AKT3: variants seen among roughly 807,000 people sequenced by gnomAD.
AKT3 encodes the protein RAC-gamma serine/threonine-protein kinase.
In AKT3, 15 loss-of-function variants were observed where a neutral mutation model predicts 65.3. That is an observed-to-expected ratio of 0.23 (90% CI 0.15 to 0.35). The LOEUF (loss-of-function observed/expected upper bound fraction) is 0.35. AKT3 is among the 10% of genes least tolerant of loss of function. AKT3 has a pLI of 1.00. For synonymous variants in AKT3, 206 were observed against 183.8 expected, an observed-to-expected ratio of 1.12 and a Z score of -0.98; for missense variants, 243 against 576.5, an observed-to-expected ratio of 0.42 and a Z score of 5.92.
chr1:243,754,513 C>A lies in AKT3; in HGVS notation c.47-58797G>T, dbSNP rs1251918682. On this transcript the variant is annotated intron_variant, in intron 2 of 13. Coordinates refer to ENST00000673466, the MANE Select transcript of AKT3 (RefSeq NM_005465.7). ...GCTGTTACCAAGTGCAGGGTCCCCA[C>A]CCCTGGGCCGCGGATGGTGGCTGTT... Among the ~76,000 whole-genome samples the A allele has an allele frequency of 3.3e-5, 5 of 152,218 alleles. No individual in the cohort carries two copies. In the East Asian group the frequency reaches 9.7e-4, roughly 29 times the overall value.
intron 2 of AKT3, among the ~76,000 whole-genome samples, chr1:243,838,302 G>C (rs1695024225): frequency 6.6e-6 from 1 of 152,012 alleles, no homozygotes. Flanking sequence ...TACTCTCCAT[G>C]TATAACCTCA....
chr1:243,706,196 C>A (rs913391218), intron 2 of AKT3, among the ~76,000 whole-genome samples: 1 of 152,144 alleles, frequency 6.6e-6, no homozygotes, highest in Non-Finnish European at 1.5e-5. Context: ...ACTAAATAAA[C>A]CTACCACCAT....
intron 2 of AKT3, among the ~76,000 whole-genome samples, chr1:243,749,069 T>C (rs1469187322): frequency 1.3e-5 from 2 of 152,162 alleles, no homozygotes; most frequent in African/African-American, 4.8e-5. Flanking sequence ...CTTCTAGTCC[T>C]TCATTCTCTC....
chr1:243,560,634 C>G (rs952007497), intron 10 of AKT3, among the ~76,000 whole-genome samples: 2 of 152,008 alleles, frequency 1.3e-5, no homozygotes, highest in Non-Finnish European at 2.9e-5. Context: ...AAAGACCAGA[C>G]TTTTGAAGTA....
intron 2 of AKT3, among the ~76,000 whole-genome samples, chr1:243,721,395 C>T (rs969875961): frequency 1.3e-5 from 2 of 152,128 alleles, no homozygotes; most frequent in African/African-American, 4.8e-5. Flanking sequence ...TTTGTCCAGT[C>T]CTATTTCTAC....
chr1:243,850,061 TGGCGGCCCCGCAGCTGCTCGGGCGGC>T lies in AKT3; in HGVS notation c.-160_-135del. On this transcript the variant is annotated 5_prime_UTR_variant, in exon 1 of 14. Transcript: ENST00000673466. ...TTACCTGCAACGGCGGCGGCGGCGGTGGCGGCCCCGCAGCTGCTCGGGCGGCGGCGGAGGATGGAGCCGGGGGGGGG... is the reference window on the plus strand; with the variant it reads ...TTACCTGCAACGGCGGCGGCGGCGGTGGCGGAGGATGGAGCCGGGGGGGGG... 1 of 926,938 alleles carries T rather than the reference TGGCGGCCCCGCAGCTGCTCGGGCGGC, an allele frequency of 1.1e-6. No individual in the cohort carries two copies. The highest frequency in any genetic ancestry group is 1.3e-6 in the Non-Finnish European group (1 of 799,568). 57.4% of individuals were successfully genotyped at this position (926,938 alleles called of 1,614,324 possible).
intron 8 of AKT3, among the ~76,000 whole-genome samples, chr1:243,597,818 C>G (rs1676730232): frequency 6.6e-6 from 1 of 152,178 alleles, no homozygotes; most frequent in Non-Finnish European, 1.5e-5. Context: ...ATGCAGAGAC[C>G]ATCTGTCTTG....
At chr1:243,534,188 G>GA (rs761173456) in intron 12 of AKT3, among the ~76,000 whole-genome samples, 17 of 152,120 alleles carry the variant, frequency 1.1e-4, no homozygotes, top group Non-Finnish European at 1.9e-4. Flanking sequence ...TAAAGGGATG[G>GA]AAAAAAGATA....
At chr1:243,662,222 C>T (rs1163709429) in intron 4 of AKT3, among the ~76,000 whole-genome samples, 1 of 151,954 alleles carries the variant, frequency 6.6e-6, no homozygotes, top group Non-Finnish European at 1.5e-5. Context: ...ACCCAAAGGA[C>T]TATAAATCAT....
intron 1 of AKT3, among the ~76,000 whole-genome samples, chr1:243,844,217 AT>A (rs1695412532): frequency 6.6e-6 from 1 of 152,166 alleles, no homozygotes; most frequent in Admixed American, 6.5e-5. Flanking sequence ...TATTAATTCC[AT>A]TTCACAGACA....
chr1:243,576,319 C>T (rs576485072), intron 8 of AKT3, among the ~76,000 whole-genome samples: 1 of 152,160 alleles, frequency 6.6e-6, no homozygotes, highest in Non-Finnish European at 1.5e-5. Context: ...TCCTTGAAAA[C>T]CAGCACAAGA....
intron 2 of AKT3, among the ~76,000 whole-genome samples, chr1:243,828,652 T>C (rs1214238615): frequency 2.6e-5 from 4 of 152,208 alleles, no homozygotes; most frequent in Non-Finnish European, 5.9e-5. Flanking sequence ...TTTTTTCTCT[T>C]ACTTCATTGT....
chr1:243,535,729 G>A (rs1453457760), intron 12 of AKT3, among the ~76,000 whole-genome samples: 2 of 152,108 alleles, frequency 1.3e-5, no homozygotes, highest in South Asian at 4.1e-4. Context: ...CTTCCTTTGT[G>A]TAGATACCTA....
chr1:243,496,661 T>TC (rs1445760183), downstream of AKT3, among the ~76,000 whole-genome samples: 1 of 152,072 alleles, frequency 6.6e-6, no homozygotes, highest in Non-Finnish European at 1.5e-5. Flanking sequence ...TGCCACCATC[T>TC]CCCCGGGCTG....
rs189388383 is a variant in AKT3, at chr1:243,573,085, T to C, written c.697-37A>G. 1.8e-5 allele frequency: 29 copies of C among 1,605,620 alleles called. No individual in the cohort carries two copies. The Admixed American group carries it at 4.8e-4, about 27-fold the overall frequency. On this transcript the variant is annotated intron_variant, in intron 8 of 13. Transcript: ENST00000673466. The stretch of plus-strand genomic sequence containing the variant: ...ACAGCAGGGACAGGATTGTAATAAT[T>C]ACTGATTTAGTGGGGGAAATTAACA...
At chr1:243,650,312 T>G (rs1455847007) in intron 4 of AKT3, among the ~76,000 whole-genome samples, 1 of 152,250 alleles carries the variant, frequency 6.6e-6, no homozygotes, top group African/African-American at 2.4e-5. Flanking sequence ...ATTAGCCCTT[T>G]GTCAGACGAA....
intron 2 of AKT3, among the ~76,000 whole-genome samples, chr1:243,732,356 T>G (rs578106147): frequency 6.6e-6 from 1 of 152,216 alleles, no homozygotes; most frequent in Non-Finnish European, 1.5e-5. Flanking sequence ...ATTAAAAAGC[T>G]TCTCCACTCC....
At chr1:243,771,090 C>T (rs1282624716) in intron 2 of AKT3, among the ~76,000 whole-genome samples, 1 of 152,108 alleles carries the variant, frequency 6.6e-6, no homozygotes, top group Non-Finnish European at 1.5e-5. Flanking sequence ...GCTGTTTGTG[C>T]AAATGTTGTA....
intron 2 of AKT3, among the ~76,000 whole-genome samples, chr1:243,811,668 C>T (rs1693168543): frequency 6.6e-6 from 1 of 152,182 alleles, no homozygotes; most frequent in South Asian, 2.1e-4. Context: ...TTGGAAAAAA[C>T]TACTTTAAAG....
Sources: allele counts gnomAD v4.1 joint callset (sites outside exome capture counted in the v4.1 genomes callset), GRCh38; gene constraint gnomAD v4.1.1; transcripts MANE v1.5; gene names NCBI Gene and HGNC (gene_info 2026-07-23, HGNC 2026-07-21).